Variants in PDE3A observed in about 807,000 individuals in gnomAD.
PDE3A encodes the protein cGMP-inhibited 3',5'-cyclic phosphodiesterase 3A.
PDE3A carries 43 observed loss-of-function variants against 98.3 expected under a neutral mutation model. The ratio of observed to expected loss-of-function variants is 0.44; its 90% CI spans 0.34 to 0.56. PDE3A has a LOEUF of 0.56. Among genes scored for constraint, PDE3A ranks in the 20% least tolerant of loss-of-function variants. PDE3A has a pLI of 0.01. For synonymous variants in PDE3A, 663 were observed against 567.9 expected (o/e 1.17, Z -2.38); for missense variants, 1,427 against 1,440.7 (o/e 0.99, Z 0.15).
intron 3 of PDE3A, among the ~76,000 whole-genome samples, chr12:20,614,456 G>A (rs1208199096): frequency 6.6e-6 from 1 of 152,078 alleles, no homozygotes; most frequent in African/African-American, 2.4e-5. Flanking sequence ...TTGAGCTGGT[G>A]GTCAGTCAGT....
chr12:20,466,536 G>A (rs1945342359), intron 1 of PDE3A, among the ~76,000 whole-genome samples: 1 of 152,144 alleles, frequency 6.6e-6, no homozygotes, highest in South Asian at 2.1e-4. Flanking sequence ...CTTCGAATGT[G>A]AATGCTTTTT....
At chr12:20,538,943 G>GAA (rs1286840312) in intron 1 of PDE3A, among the ~76,000 whole-genome samples, 7 of 137,510 alleles carry the variant, frequency 5.1e-5, no homozygotes, top group Admixed American at 2.1e-4. Flanking sequence ...ACCACACCTA[G>GAA]CCTTATTTTT....
chr12:20,460,861 C>G (rs956044366), intron 1 of PDE3A, among the ~76,000 whole-genome samples: 1 of 152,124 alleles, frequency 6.6e-6, no homozygotes, highest in East Asian at 1.9e-4. Context: ...TTCACATAAG[C>G]AAACACTAGC....
Position 20,555,196 on chromosome 12 carries a change from G to C in PDE3A, c.961-1464G>C, listed in dbSNP as rs1403357382. Reference sequence around the variant, plus strand: ...ACACTACCACGCCTGGCTAATTTTTGTACTTTTAGTAGAGACAGGGTTGAC... The same window carrying C: ...ACACTACCACGCCTGGCTAATTTTTCTACTTTTAGTAGAGACAGGGTTGAC... On this transcript the variant is annotated intron_variant, in intron 1 of 15. Coordinates refer to ENST00000359062, the MANE Select transcript of PDE3A (RefSeq NM_000921.5). 2.0e-5 allele frequency among the ~76,000 whole-genome samples: 3 copies of C among 152,034 alleles called. No individual in the cohort carries two copies. In the East Asian group the frequency reaches 5.8e-4, roughly 29 times the overall value.
At chr12:20,400,661 G>A (rs1021517472) in intron 1 of PDE3A, among the ~76,000 whole-genome samples, 1 of 151,934 alleles carries the variant, frequency 6.6e-6, no homozygotes, top group South Asian at 2.1e-4. Flanking sequence ...CTCGTGATCC[G>A]CCCGCCTCGG....
rs1942836463 is a variant in PDE3A, at chr12:20,572,934, C to CTGAT, written c.1011+16227_1011+16230dup. 2.6e-5 allele frequency among the ~76,000 whole-genome samples: 4 copies of CTGAT among 152,148 alleles called. No homozygotes were observed. The South Asian group carries it at 8.3e-4, about 32-fold the overall frequency. On this transcript the variant is annotated intron_variant, in intron 2 of 15. Coordinates refer to ENST00000359062, the MANE Select transcript of PDE3A (RefSeq NM_000921.5). ...TATAATATCTTCCCCCCATACTGTA[C>CTGAT]TGATTGGTATTCATCAGTAACTACC... is the stretch of plus-strand genomic sequence containing the variant.
chr12:20,397,816 T>C (rs984222268), intron 1 of PDE3A, among the ~76,000 whole-genome samples: 39 of 152,064 alleles, frequency 2.6e-4, no homozygotes, highest in African/African-American at 9.4e-4. Flanking sequence ...ACAAAGAGAA[T>C]CAGCTCATTT....
At chr12:20,407,910 T>A (rs565708695) in intron 1 of PDE3A, among the ~76,000 whole-genome samples, 15 of 152,136 alleles carry the variant, frequency 9.9e-5, no homozygotes, top group African/African-American at 3.6e-4. Context: ...TAAAATGTAT[T>A]TTCTATTTTT....
intron 1 of PDE3A, among the ~76,000 whole-genome samples, chr12:20,554,744 G>A (rs1044655569): frequency 6.6e-6 from 1 of 151,578 alleles, no homozygotes; most frequent in Non-Finnish European, 1.5e-5. Flanking sequence ...GCCCCACCAC[G>A]CCCACCTAAT....
chr12:20,656,148 A>G (rs1003575312), intron 15 of PDE3A, among the ~76,000 whole-genome samples: 1 of 152,212 alleles, frequency 6.6e-6, no homozygotes, highest in Non-Finnish European at 1.5e-5. Context: ...GTCTACCTTT[A>G]CAGATAAAGT....
intron 1 of PDE3A, among the ~76,000 whole-genome samples, chr12:20,483,281 G>T (rs1945665683): frequency 6.6e-6 from 1 of 152,120 alleles, no homozygotes; most frequent in South Asian, 2.1e-4. Flanking sequence ...TCCAGCTACC[G>T]GGGAGGCTGA....
chr12:20,519,008 G>A (rs1946373655), intron 1 of PDE3A, among the ~76,000 whole-genome samples: 1 of 151,234 alleles, frequency 6.6e-6, no homozygotes, highest in African/African-American at 2.4e-5. Flanking sequence ...GATCTGTGTT[G>A]CTAAAGAAGA....
intron 1 of PDE3A, among the ~76,000 whole-genome samples, chr12:20,546,367 G>T (rs1188718419): frequency 1.5e-5 from 2 of 135,012 alleles, no homozygotes; most frequent in Admixed American, 1.6e-4. Context: ...ACCCAGGAAA[G>T]GACCACCAAA....
chr12:20,586,404 G>A (rs1592083574), intron 2 of PDE3A, among the ~76,000 whole-genome samples: 1 of 152,176 alleles, frequency 6.6e-6, no homozygotes, highest in South Asian at 2.1e-4. Context: ...CTCCTAGTGG[G>A]ACTGCGTCAT....
intron 1 of PDE3A, among the ~76,000 whole-genome samples, chr12:20,549,485 A>G (rs560828120): frequency 6.6e-6 from 1 of 151,966 alleles, no homozygotes; most frequent in African/African-American, 2.4e-5. Flanking sequence ...AAGTTTAATG[A>G]TAAACACTTT....
At chr12:20,581,672 G>T (rs370711619) in intron 2 of PDE3A, among the ~76,000 whole-genome samples, 1 of 147,482 alleles carries the variant, frequency 6.8e-6, no homozygotes, top group East Asian at 2.0e-4. Context: ...GAGTACAGTG[G>T]CACGATCTCG....
chr12:20,489,764 T>C lies in PDE3A; in HGVS notation c.961-66896T>C, dbSNP rs901724445. 2.6e-5 allele frequency among the ~76,000 whole-genome samples: 4 copies of C among 152,188 alleles called. No individual in the cohort carries two copies. In the East Asian group the frequency reaches 5.8e-4, roughly 22 times the overall value. On this transcript the variant is annotated intron_variant, in intron 1 of 15. Coordinates refer to ENST00000359062, the MANE Select transcript of PDE3A (RefSeq NM_000921.5). ...CACTGATTTAGATGTTGATGACAGA[T>C]GGGTCTTAGGTCAGGATAACAGCTA...
chr12:20,641,160 TATCATA>T (rs72225046), intron 10 of PDE3A, among the ~76,000 whole-genome samples: 11,773 of 152,110 alleles, frequency 0.077, 474 homozygotes, highest in East Asian at 0.1. Context: ...GCTGTTAGTG[TATCATA>T]GAAAAAGAGA....
chr12:20,536,782 T>C (rs1481087776), intron 1 of PDE3A, among the ~76,000 whole-genome samples: 3 of 152,118 alleles, frequency 2.0e-5, no homozygotes, highest in Non-Finnish European at 4.4e-5. Context: ...TGTTTATCCA[T>C]TGATTAGTTA....
Sources: allele counts gnomAD v4.1 joint callset (sites outside exome capture counted in the v4.1 genomes callset), GRCh38; gene constraint gnomAD v4.1.1; transcripts MANE v1.5; gene names NCBI Gene and HGNC (gene_info 2026-07-23, HGNC 2026-07-21).